Variants in PRKG1 observed in about 807,000 individuals in gnomAD.
The protein encoded by PRKG1 is cGMP-dependent protein kinase 1.
PRKG1 carries 35 observed loss-of-function variants against 88.1 expected under a neutral mutation model. That is an observed-to-expected ratio of 0.40 (90% CI 0.30 to 0.53). The LOEUF is 0.53. Ranked by LOEUF, PRKG1 falls within the 20% of genes least tolerant of loss-of-function variation. The pLI is 0.59. For synonymous variants in PRKG1, 303 were observed against 292.5 expected (o/e 1.04, Z -0.37); for missense variants, 540 against 839.8 (o/e 0.64, Z 4.41).
intron 1 of PRKG1, among the ~76,000 whole-genome samples, chr10:51,085,752 T>A (rs1210100146): frequency 6.6e-6 from 1 of 152,100 alleles, no homozygotes; most frequent in Non-Finnish European, 1.5e-5. Flanking sequence ...AATGAAAGAA[T>A]TGCTCGAAGT....
chr10:51,537,363 T>C (rs1842182710), intron 3 of PRKG1, among the ~76,000 whole-genome samples: 1 of 152,220 alleles, frequency 6.6e-6, no homozygotes, highest in African/African-American at 2.4e-5. Flanking sequence ...CCTATCATAC[T>C]GCCTCTGTTG....
chr10:51,439,393 C>G (rs570453092), intron 2 of PRKG1, among the ~76,000 whole-genome samples: 2 of 151,742 alleles, frequency 1.3e-5, no homozygotes, highest in Non-Finnish European at 2.9e-5. Context: ...ACTGTAGATT[C>G]CAGCCATTAC....
At chr10:52,081,825 A>G (rs1042947638) in intron 7 of PRKG1, among the ~76,000 whole-genome samples, 24 of 152,068 alleles carry the variant, frequency 1.6e-4, no homozygotes, top group Admixed American at 5.2e-4. Flanking sequence ...TTTGAAGGAG[A>G]TAAGAAAGTG....
chr10:51,458,554 A>C (rs959014043), intron 2 of PRKG1, among the ~76,000 whole-genome samples: 2 of 152,154 alleles, frequency 1.3e-5, no homozygotes, highest in Non-Finnish European at 2.9e-5. Flanking sequence ...TTTATATATT[A>C]ATACTGTGAA....
At chr10:52,188,253 T>C (rs377704200) in intron 9 of PRKG1, among the ~76,000 whole-genome samples, 1 of 3,996 alleles carries the variant, frequency 2.5e-4, no homozygotes, top group Non-Finnish European at 1.1e-3. Context: ...TATATATGTG[T>C]ATATATATAC....
At chr10:51,197,745 G>T (rs986577098) in intron 2 of PRKG1, among the ~76,000 whole-genome samples, 1 of 151,682 alleles carries the variant, frequency 6.6e-6, no homozygotes, top group Non-Finnish European at 1.5e-5. Context: ...ATTAAATAAG[G>T]TGTGTTTTTT....
chr10:51,695,367 A>G (rs1841261287), intron 3 of PRKG1: 1 of 152,156 alleles, frequency 6.6e-6, no homozygotes, highest in South Asian at 2.1e-4. Flanking sequence ...CCATTCCTGC[A>G]ATTTCATTAG....
At chr10:51,531,835 G>T (rs1207096225) in intron 3 of PRKG1, among the ~76,000 whole-genome samples, 3 of 151,584 alleles carry the variant, frequency 2.0e-5, no homozygotes, top group Non-Finnish European at 4.4e-5. Flanking sequence ...AGTAGACACG[G>T]GGTTTTACCA....
intron 2 of PRKG1, among the ~76,000 whole-genome samples, chr10:51,408,617 C>CCATA (rs1837990575): frequency 6.6e-6 from 1 of 152,200 alleles, no homozygotes; most frequent in Admixed American, 6.5e-5. Flanking sequence ...ATATCGAGTG[C>CCATA]TCAGTGTTGG....
chr10:51,798,328 A>G (rs964614909), intron 3 of PRKG1, among the ~76,000 whole-genome samples: 16 of 152,106 alleles, frequency 1.1e-4, no homozygotes, highest in Admixed American at 7.9e-4. Flanking sequence ...ATATTTTTTA[A>G]TAAAATAATA....
chr10:51,857,862 T>C (rs752079821), intron 4 of PRKG1, among the ~76,000 whole-genome samples: 1 of 151,280 alleles, frequency 6.6e-6, no homozygotes, highest in African/African-American at 2.4e-5. Flanking sequence ...GTAAGCACTG[T>C]TCCCCCACCC....
intron 2 of PRKG1, among the ~76,000 whole-genome samples, chr10:51,213,271 A>T (rs758790568): frequency 1.8e-4 from 27 of 152,034 alleles, no homozygotes; most frequent in Admixed American, 1.2e-3. Context: ...AACAATGAGA[A>T]CACATGGACA....
intron 3 of PRKG1, among the ~76,000 whole-genome samples, chr10:51,589,696 A>G (rs2132204709): frequency 6.6e-6 from 1 of 152,346 alleles, no homozygotes; most frequent in Admixed American, 6.5e-5. Flanking sequence ...GATATTTACC[A>G]GGTTATGCAC....
At chr10:51,289,743 G>A (rs1260066011) in intron 2 of PRKG1, among the ~76,000 whole-genome samples, 1 of 151,698 alleles carries the variant, frequency 6.6e-6, no homozygotes, top group Non-Finnish European at 1.5e-5. Flanking sequence ...TGGTTAGGTG[G>A]GTTTTTGTGT....
At chr10:51,666,154 G>T (rs1015109216) in intron 3 of PRKG1, among the ~76,000 whole-genome samples, 2 of 152,168 alleles carry the variant, frequency 1.3e-5, no homozygotes, top group Non-Finnish European at 2.9e-5. Flanking sequence ...AAGAAATGTG[G>T]TGACATCCGT....
At chr10:51,780,486 G>T (rs1433966387) in intron 3 of PRKG1, among the ~76,000 whole-genome samples, 1 of 152,072 alleles carries the variant, frequency 6.6e-6, no homozygotes, top group Non-Finnish European at 1.5e-5. Context: ...ACTTTAAAAT[G>T]CATATTTAAA....
rs190665680 is a variant in PRKG1, at chr10:52,251,708, C to G, written c.1173+42C>G. 33 of 1,491,456 alleles carry G rather than the reference C, an allele frequency of 2.2e-5. No homozygotes were observed. In the African/African-American group the frequency reaches 2.8e-4, roughly 13 times the overall value. The allele number at this position is 1,491,456 out of a possible 1,614,324, so 92.4% of individuals were successfully genotyped here. On this transcript the variant is annotated intron_variant, in intron 10 of 17. Coordinates refer to ENST00000373980, the MANE Select transcript of PRKG1 (RefSeq NM_006258.4). ...TAAATGCTTTTGATCGCCTCTGCTT[C>G]CTTTTTAATTTTTTCCCCTAGATTA...
rs192936465 is a variant in PRKG1, at chr10:51,867,587, C to G, written c.699-39920C>G. Among the ~76,000 whole-genome samples, 43 of 151,818 alleles carry G rather than the reference C, an allele frequency of 2.8e-4. No individual in the cohort carries two copies. The East Asian group carries it at 7.7e-3, about 27-fold the overall frequency. On this transcript the variant is annotated intron_variant, in intron 4 of 17. Transcript: ENST00000373980. ...GTGAATGAGTTAAATGTGGGGGAAG[C>G]AAGGGAAAAAGGAAGGAGTCTAGGA...
intron 2 of PRKG1, among the ~76,000 whole-genome samples, chr10:51,159,091 A>T (rs1225908138): frequency 1.3e-5 from 2 of 152,130 alleles, no homozygotes; most frequent in Non-Finnish European, 2.9e-5. Context: ...GCCACCGTCG[A>T]CAGTAAACTT....
Sources: gnomAD v4.1 joint callset for allele counts (sites outside exome capture counted in the v4.1 genomes callset) on GRCh38, gnomAD v4.1.1 for gene constraint, MANE v1.5 for transcripts, NCBI Gene and HGNC (gene_info 2026-07-23, HGNC 2026-07-21) for gene names.